Variants in SCARB1 observed in about 807,000 individuals in gnomAD.
SCARB1 encodes scavenger receptor class B member 1, also known as CD36 and LIMPII analogous 1.
Under a neutral mutation model 57.2 loss-of-function variants are expected in SCARB1, and 30 were observed. That is an observed-to-expected ratio of 0.52 (90% CI 0.39 to 0.71). The LOEUF (loss-of-function observed/expected upper bound fraction) is 0.71, where lower values mean the gene tolerates loss of function less well. Among genes scored for constraint, SCARB1 ranks in the 30% least tolerant of loss-of-function variants. The pLI is 0.00. For missense variants in SCARB1, 543 were observed against 671.2 expected (o/e 0.81, Z 2.11); for synonymous variants, 249 against 268.3 (o/e 0.93, Z 0.70).
At chr12:124,862,673 C>T (rs1039533212) in intron 1 of SCARB1, among the ~76,000 whole-genome samples, 1 of 128,292 alleles carries the variant, frequency 7.8e-6, no homozygotes, top group Admixed American at 8.7e-5. Flanking sequence ...TTCCCCTCCC[C>T]GCCACTGCAT....
At position 124,810,150 on chromosome 12, in the gene SCARB1, G is replaced by A. The variant is rs1348548735; in HGVS notation, c.842+24C>T. The A allele has an allele frequency of 3.3e-6, 5 of 1,520,844 alleles. No individual in the cohort carries two copies. Among genetic ancestry groups the A allele is most frequent in the Non-Finnish European group, 4.6e-6 (5 of 1,095,812 alleles). The allele number at this position is 1,520,844 out of a possible 1,614,324, so 94.2% of individuals were successfully genotyped here. On this transcript the variant is annotated intron_variant, in intron 6 of 12. Coordinates refer to ENST00000261693, the MANE Select transcript of SCARB1 (RefSeq NM_005505.5). The surrounding 1 kb of genome is among the most constrained non-coding windows in gnomAD (Gnocchi z 4.0). ...GCCATGAGCTACCCAGGAAACCCAG[G>A]AGGCCCCGAGTCCCAGTGATTACCG...
At chr12:124,828,643 A>T (rs1438328915) in intron 1 of SCARB1, among the ~76,000 whole-genome samples, 2 of 152,240 alleles carry the variant, frequency 1.3e-5, no homozygotes, top group East Asian at 3.8e-4. Context: ...TGCCTGACCA[A>T]GGTCACAGGA....
Position 124,793,361 on chromosome 12 carries a change from C to T in SCARB1, c.1202+1834G>A, listed in dbSNP as rs547850813. On this transcript the variant is annotated intron_variant, in intron 9 of 12. Coordinates refer to ENST00000261693, the MANE Select transcript of SCARB1 (RefSeq NM_005505.5). ...TGTAATGTTATAGCAAGTGCTGGTG[C>T]GCGTGGGGAGGAACTGGAACCCTGC... Among the ~76,000 whole-genome samples, 10 of 152,256 alleles carry T rather than the reference C, an allele frequency of 6.6e-5. No individual in the cohort carries two copies. The South Asian group carries it at 1.7e-3, about 25-fold the overall frequency.
In SCARB1 at chr12:124,800,277, G is replaced by T; in HGVS notation, c.1010-35C>A. The T allele has an allele frequency of 6.6e-7, 1 of 1,517,710 alleles. No homozygotes were observed. The highest frequency in any genetic ancestry group is 9.1e-7 in the Non-Finnish European group (1 of 1,093,962). 94.0% of individuals were successfully genotyped at this position (1,517,710 alleles called of 1,614,324 possible). A position where few individuals can be genotyped will look rare whatever the true frequency, so the allele number is the denominator to read the frequency against. The stretch of plus-strand genomic sequence containing the variant: ...GGGCAGGGAGGGGACATCAGACAAG[G>T]ACAGTATATTGGCAGGTCCTGCCAG... On this transcript the variant is annotated intron_variant, in intron 7 of 12. Coordinates refer to ENST00000261693, the MANE Select transcript of SCARB1 (RefSeq NM_005505.5). This position sits in a 1 kb window ranked among gnomAD's most constrained non-coding sequence, Gnocchi z 4.8.
At chr12:124,799,255 C>T (rs149621753) in intron 8 of SCARB1, among the ~76,000 whole-genome samples, 135 of 152,178 alleles carry the variant, frequency 8.9e-4, no homozygotes, top group African/African-American at 1.9e-3. Flanking sequence ...CTGGGCACGG[C>T]GGTTCATGCC....
At chr12:124,838,603 G>C (rs1490036239) in intron 1 of SCARB1, among the ~76,000 whole-genome samples, 1 of 152,026 alleles carries the variant, frequency 6.6e-6, no homozygotes, top group African/African-American at 2.4e-5. Context: ...AACAGGCTCA[G>C]CATGTTGGAA....
rs542465520 is a variant in SCARB1 at position 124,791,418 on chromosome 12, T to C, written c.1202+3777A>G. 8.5e-5 allele frequency among the ~76,000 whole-genome samples: 13 copies of C among 152,260 alleles called. No homozygotes were observed. The East Asian group carries it at 2.3e-3, about 27-fold the overall frequency. ...GTGTCCCTTCTGTATAAGCGAGATA[T>C]TATAACGTAACTCTTCCTAGGACTC... On this transcript the variant is annotated intron_variant, in intron 9 of 12. Coordinates refer to ENST00000261693, the MANE Select transcript of SCARB1 (RefSeq NM_005505.5).
Position 124,859,344 on chromosome 12 carries a change from G to A in SCARB1, c.126+4251C>T, listed in dbSNP as rs565448821. ...AGATCAAGACCATCCCGGCTAACAC[G>A]GTGAAACCCCATCTCTACTAAAAAT... On this transcript the variant is annotated intron_variant, in intron 1 of 12. Transcript: ENST00000261693. Among the ~76,000 whole-genome samples, 28 of 152,138 alleles carry A rather than the reference G, an allele frequency of 1.8e-4. No individual in the cohort carries two copies. In the East Asian group the frequency reaches 4.6e-3, roughly 25 times the overall value.
At chr12:124,787,482 T>G in intron 9 of SCARB1, 25 bp from the exon 10 acceptor site, 1 of 1,608,890 alleles carries the variant, frequency 6.2e-7, no homozygotes, top group East Asian at 2.2e-5. Context: ...GACATAGCTG[T>G]GTGAAACAAA....
At chr12:124,815,144 C>T in intron 2 of SCARB1, 30 bp from the exon 3 acceptor site, 1 of 1,610,294 alleles carries the variant, frequency 6.2e-7, no homozygotes, top group South Asian at 1.1e-5. Flanking sequence ...GTCAGACGCC[C>T]CGCCCCGCTG....
At chr12:124,824,954 G>C (rs1951079363) in intron 1 of SCARB1, among the ~76,000 whole-genome samples, 1 of 152,178 alleles carries the variant, frequency 6.6e-6, no homozygotes, top group South Asian at 2.1e-4. Context: ...GCCAGGTGCA[G>C]TGGCTCACGC....
chr12:124,852,736 G>A (rs1308759649), intron 1 of SCARB1, among the ~76,000 whole-genome samples: 1 of 152,250 alleles, frequency 6.6e-6, no homozygotes, highest in African/African-American at 2.4e-5. Flanking sequence ...ATAGCATGGT[G>A]TGGTTATAAC....
chr12:124,810,272 G>A lies in SCARB1; in HGVS notation c.744C>T (p.Ser248=), dbSNP rs777036596. 5.0e-6 allele frequency: 8 copies of A among 1,613,478 alleles called. No homozygotes were observed. The highest frequency in any genetic ancestry group is 6.8e-6 in the Non-Finnish European group (8 of 1,179,436). ...NGLSKVDFWH[S]DQCNMINGTS... ...TTCCATTGATCATGTTGCACTGATC[G>A]GAATGCCAGAAGTCAACCTGGGGGG... Residue 248 remains serine (S), a synonymous_variant, in exon 6 of 13, where the codon TCC becomes TCT. Coordinates refer to ENST00000261693, the MANE Select transcript of SCARB1 (RefSeq NM_005505.5). This position sits in a 1 kb window ranked among gnomAD's most constrained non-coding sequence, Gnocchi z 4.0.
At chr12:124,826,114 C>A (rs770270476) in intron 1 of SCARB1, among the ~76,000 whole-genome samples, 12 of 152,126 alleles carry the variant, frequency 7.9e-5, no homozygotes, top group Non-Finnish European at 1.8e-4. Context: ...GGGAGGATCG[C>A]TTGAGGTCAG....
At chr12:124,803,356 GC>G (rs1950199140) in intron 7 of SCARB1, among the ~76,000 whole-genome samples, 1 of 152,140 alleles carries the variant, frequency 6.6e-6, no homozygotes, top group African/African-American at 2.4e-5. Flanking sequence ...GATCACTTGA[GC>G]CCAGGACTTC....
intron 12 of SCARB1, among the ~76,000 whole-genome samples, chr12:124,779,401 C>T (rs1257019998): frequency 6.6e-6 from 1 of 152,192 alleles, no homozygotes; most frequent in East Asian, 1.9e-4. Context: ...TGGCTGCGCA[C>T]ATGCAGATTC....
intron 1 of SCARB1, among the ~76,000 whole-genome samples, chr12:124,844,631 G>A (rs973669170): frequency 6.6e-6 from 1 of 152,074 alleles, no homozygotes; most frequent in Admixed American, 6.6e-5. Flanking sequence ...ATTAGGACCC[G>A]CAGAGAGTCA....
chr12:124,782,850 G>A (rs1354671785), intron 11 of SCARB1, 39 bp from the exon 12 acceptor site: 11 of 1,612,092 alleles, frequency 6.8e-6, no homozygotes, highest in Admixed American at 3.3e-5. Flanking sequence ...TGACGTTGAA[G>A]CCACATAAAA....
chr12:124,844,585 C>T (rs545701044), intron 1 of SCARB1, among the ~76,000 whole-genome samples: 97 of 151,982 alleles, frequency 6.4e-4, no homozygotes, highest in African/African-American at 2.3e-3. Context: ...TGGGGTGAGC[C>T]CTAATCCAAT....
Sources: allele counts gnomAD v4.1 joint callset (sites outside exome capture counted in the v4.1 genomes callset), GRCh38; gene constraint gnomAD v4.1.1; non-coding constraint Gnocchi (gnomAD v3.1); transcripts MANE v1.5; gene names NCBI Gene and HGNC (gene_info 2026-07-23, HGNC 2026-07-21).